Variants in AGBL1 observed in about 807,000 individuals in gnomAD.
AGBL1 encodes the protein cytosolic carboxypeptidase 4.
A neutral mutation model predicts 118.9 loss-of-function variants in AGBL1; 130 were observed. The observed-to-expected ratio is 1.09, with a 90% CI of 0.95 to 1.26. AGBL1 has a LOEUF of 1.26. Ranked by LOEUF, AGBL1 falls within the 50% of genes most tolerant of loss-of-function variation. The pLI is 0.00. For missense variants in AGBL1, 1,584 were observed against 1,298.1 expected, an observed-to-expected ratio of 1.22 and a Z score of -3.38; for synonymous variants, 555 against 478.9, an observed-to-expected ratio of 1.16 and a Z score of -2.08.
rs906861237 is a variant in AGBL1 at position 86,243,744 on chromosome 15, C to T, written c.527-3927C>T. 1.2e-4 allele frequency among the ~76,000 whole-genome samples: 18 copies of T among 152,280 alleles called. 1 individual carries two copies. The highest frequency in any genetic ancestry group is 3.3e-4 in the Admixed American group (5 of 15,302). On this transcript the variant is annotated intron_variant, in intron 6 of 22. Coordinates refer to ENST00000614907, the MANE Select transcript of AGBL1 (RefSeq NM_001386094.1). ...CTAATGTAGGCCGGGCATGGTGGGT[C>T]ACGCCTGTAATTCCAGCACTTGGGG...
chr15:86,673,292 A>G (rs749210181), intron 21 of AGBL1, among the ~76,000 whole-genome samples: 1 of 152,110 alleles, frequency 6.6e-6, no homozygotes, highest in Non-Finnish European at 1.5e-5. Context: ...CATTTTACAG[A>G]TGAGAAAATC....
intron 1 of AGBL1, among the ~76,000 whole-genome samples, chr15:86,094,604 C>T (rs535375659): frequency 3.3e-5 from 5 of 152,030 alleles, no homozygotes; most frequent in African/African-American, 9.7e-5. Context: ...GATTCCACAC[C>T]GAGCTCTGGA....
intron 18 of AGBL1, among the ~76,000 whole-genome samples, chr15:86,495,320 C>G (rs62015269): frequency 0.43 from 64,272 of 150,628 alleles, 15,021 homozygotes; most frequent in East Asian, 0.68. Context: ...CAAAACGAAA[C>G]TCTAATGTCG....
chr15:86,807,251 G>C (rs559072065), intron 22 of AGBL1, among the ~76,000 whole-genome samples: 231 of 152,222 alleles, frequency 1.5e-3, no homozygotes, highest in Middle Eastern at 3.4e-3. Flanking sequence ...CAGGGTCTGG[G>C]TTAATTGGGG....
At chr15:86,700,243 G>T (rs2086332814) in intron 22 of AGBL1, among the ~76,000 whole-genome samples, 1 of 151,886 alleles carries the variant, frequency 6.6e-6, no homozygotes, top group African/African-American at 2.4e-5. Flanking sequence ...AATGTTGATA[G>T]TGGGAATTTC....
At chr15:86,853,603 G>C (rs1401346630) in intron 22 of AGBL1, among the ~76,000 whole-genome samples, 4 of 152,120 alleles carry the variant, frequency 2.6e-5, no homozygotes, top group Admixed American at 1.3e-4. Flanking sequence ...TACTACACTT[G>C]GCTGCCTTTA....
At chr15:86,267,441 G>C (rs972495646) in intron 13 of AGBL1, among the ~76,000 whole-genome samples, 1 of 152,182 alleles carries the variant, frequency 6.6e-6, no homozygotes, top group Non-Finnish European at 1.5e-5. Context: ...TGATGCCAAG[G>C]CTGATTCTGT....
intron 6 of AGBL1, among the ~76,000 whole-genome samples, chr15:86,237,079 T>C (rs1004067848): frequency 6.6e-6 from 1 of 151,982 alleles, no homozygotes; most frequent in Admixed American, 6.5e-5. Flanking sequence ...CCAGCCCAGC[T>C]CTAAAAGCCG....
chr15:86,695,023 T>C (rs984847488), intron 22 of AGBL1, among the ~76,000 whole-genome samples: 4 of 152,060 alleles, frequency 2.6e-5, no homozygotes, highest in African/African-American at 7.2e-5. Context: ...TTTTTGCATC[T>C]GTGTTCATCA....
At chr15:86,175,998 A>G (rs1387774458) in intron 5 of AGBL1, among the ~76,000 whole-genome samples, 4 of 152,208 alleles carry the variant, frequency 2.6e-5, no homozygotes, top group Non-Finnish European at 4.4e-5. Flanking sequence ...TGTTAGGTCT[A>G]CGTGTTCTCA....
chr15:86,336,393 A>G (rs1416322092), intron 17 of AGBL1, among the ~76,000 whole-genome samples: 2 of 152,256 alleles, frequency 1.3e-5, no homozygotes, highest in Non-Finnish European at 2.9e-5. Flanking sequence ...CAAGTAGAGC[A>G]GAATATAAAC....
chr15:86,421,255 G>A (rs1795394270), intron 18 of AGBL1, among the ~76,000 whole-genome samples: 1 of 152,156 alleles, frequency 6.6e-6, no homozygotes, highest in South Asian at 2.1e-4. Context: ...CAGGATAACA[G>A]CATATCTCTC....
At chr15:86,818,026 C>G (rs1473001188) in intron 22 of AGBL1, among the ~76,000 whole-genome samples, 1 of 151,994 alleles carries the variant, frequency 6.6e-6, no homozygotes, top group Non-Finnish European at 1.5e-5. Flanking sequence ...GGATTCTATC[C>G]TACAGTTTCT....
At chr15:86,810,378 C>T (rs1688751162) in intron 22 of AGBL1, among the ~76,000 whole-genome samples, 1 of 152,134 alleles carries the variant, frequency 6.6e-6, no homozygotes, top group Non-Finnish European at 1.5e-5. Flanking sequence ...GACCCTTTCA[C>T]CTTCTAGGTC....
At chr15:86,087,239 T>C (rs1483049416) in intron 1 of AGBL1, among the ~76,000 whole-genome samples, 2 of 152,178 alleles carry the variant, frequency 1.3e-5, no homozygotes, top group Non-Finnish European at 2.9e-5. Flanking sequence ...GTCCTTTTCA[T>C]AATAGCTAAA....
chr15:86,458,816 G>A (rs1331264199), intron 18 of AGBL1, among the ~76,000 whole-genome samples: 1 of 152,154 alleles, frequency 6.6e-6, no homozygotes, highest in Non-Finnish European at 1.5e-5. Flanking sequence ...ATCCTGTGTA[G>A]TTAAGTGCTA....
chr15:87,011,229 AG>A (rs1469626478), intron 24 of AGBL1, among the ~76,000 whole-genome samples: 1 of 152,190 alleles, frequency 6.6e-6, no homozygotes, highest in Non-Finnish European at 1.5e-5. Context: ...TGTGTATTGA[AG>A]GAGACTACCA....
At chr15:86,166,959 C>G (rs920662039) in intron 5 of AGBL1, among the ~76,000 whole-genome samples, 1 of 152,132 alleles carries the variant, frequency 6.6e-6, no homozygotes, top group Admixed American at 6.5e-5. Context: ...CTCGTACCTC[C>G]CTATAGATTT....
At chr15:86,750,089 C>A (rs969845393) in intron 22 of AGBL1, among the ~76,000 whole-genome samples, 9 of 152,042 alleles carry the variant, frequency 5.9e-5, no homozygotes, top group African/African-American at 2.2e-4. Context: ...GGAATGGTAC[C>A]AGCTCCTCCT....
Sources: gnomAD v4.1 joint callset for allele counts (sites outside exome capture counted in the v4.1 genomes callset) on GRCh38, gnomAD v4.1.1 for gene constraint, MANE v1.5 for transcripts, NCBI Gene and HGNC (gene_info 2026-07-23, HGNC 2026-07-21) for gene names.